Variants in BICD1 observed in about 807,000 individuals in gnomAD.
The protein encoded by BICD1 is BICD cargo adaptor 1.
A neutral mutation model predicts 92.5 loss-of-function variants in BICD1; 35 were observed. That is an observed-to-expected ratio of 0.38 (90% confidence interval 0.29 to 0.50). The LOEUF is 0.50. Among genes scored for constraint, BICD1 ranks in the 20% least tolerant of loss-of-function variants. The pLI is 0.93. For synonymous variants in BICD1, 429 were observed against 465.1 expected (o/e 0.92, Z 1.00); for missense variants, 950 against 1,189.8 (o/e 0.80, Z 2.97).
chr12:32,346,582 ACG>A (rs1330818839), intron 8 of BICD1, among the ~76,000 whole-genome samples: 82 of 7,068 alleles, frequency 0.012, 10 homozygotes, highest in South Asian at 0.063. Context: ...ATATATATAT[ACG>A]TGTATATATA....
In BICD1 at chr12:32,108,283, G is replaced by A. The variant is rs183998360; in HGVS notation, c.213+739G>A. 7.1e-5 allele frequency: 13 copies of A among 183,392 alleles called. No individual in the cohort carries two copies. In the East Asian group the frequency reaches 1.7e-3, roughly 24 times the overall value. 11.4% of individuals were successfully genotyped at this position (183,392 alleles called of 1,614,324 possible). Reference sequence around the variant, plus strand: ...GTTGCATTTCAAATGAGGCTCTTCTGGTTGAAATGATATATTTATAAAACC... The same window carrying A: ...GTTGCATTTCAAATGAGGCTCTTCTAGTTGAAATGATATATTTATAAAACC... On this transcript the variant is annotated intron_variant, in intron 1 of 9. Transcript: ENST00000652176.
rs549960852 is a variant in BICD1 at position 32,268,933 on chromosome 12, G to A, written c.427-25061G>A. Among the ~76,000 whole-genome samples the A allele has an allele frequency of 1.7e-4, 26 of 152,198 alleles. No individual in the cohort carries two copies. In the South Asian group the frequency reaches 1.9e-3, roughly 11 times the overall value. On this transcript the variant is annotated intron_variant, in intron 2 of 9. Transcript: ENST00000652176. ...TCTGTTTTCTGGATGAGCTTCAACC[G>A]TTGCAAGTGGATTTTTCTTCTTTGG... is the stretch of plus-strand genomic sequence containing the variant.
intron 1 of BICD1, among the ~76,000 whole-genome samples, chr12:32,194,105 G>GATC (rs1251874235): frequency 6.6e-6 from 1 of 152,168 alleles, no homozygotes; most frequent in Non-Finnish European, 1.5e-5. Flanking sequence ...AAAATCACAT[G>GATC]ATCATCTCAA....
intron 8 of BICD1, among the ~76,000 whole-genome samples, chr12:32,343,929 G>T (rs1938475180): frequency 6.6e-6 from 1 of 152,094 alleles, no homozygotes; most frequent in Admixed American, 6.5e-5. Context: ...TTCACGTATT[G>T]CAAAGCCTAT....
chr12:32,177,665 A>G (rs1944134842), intron 1 of BICD1, among the ~76,000 whole-genome samples: 1 of 148,772 alleles, frequency 6.7e-6, no homozygotes, highest in African/African-American at 2.4e-5. Flanking sequence ...AAAAGGAAAC[A>G]GGGATAAAGA....
intron 1 of BICD1, among the ~76,000 whole-genome samples, chr12:32,192,922 G>T (rs1592450798): frequency 6.6e-6 from 1 of 152,214 alleles, no homozygotes; most frequent in South Asian, 2.1e-4. Context: ...GTGAATGAAT[G>T]AGTACTTGTT....
At chr12:32,260,568 A>G (rs1364861984) in intron 2 of BICD1, among the ~76,000 whole-genome samples, 1 of 152,142 alleles carries the variant, frequency 6.6e-6, no homozygotes, top group Non-Finnish European at 1.5e-5. Context: ...AGTAAAATAC[A>G]TCAAGGAAAC....
chr12:32,239,878 G>A (rs112607323), intron 2 of BICD1, among the ~76,000 whole-genome samples: 19,154 of 151,994 alleles, frequency 0.13, 2,002 homozygotes, highest in African/African-American at 0.28. Flanking sequence ...AAAGTGCTGG[G>A]ATTACAGGCA....
At chr12:32,244,121 T>G (rs1346156350) in intron 2 of BICD1, among the ~76,000 whole-genome samples, 1 of 151,304 alleles carries the variant, frequency 6.6e-6, no homozygotes, top group Non-Finnish European at 1.5e-5. Flanking sequence ...ATAGATATTT[T>G]CTGAAATGAA....
chr12:32,112,689 C>T (rs1485319878), intron 1 of BICD1, among the ~76,000 whole-genome samples: 1 of 152,046 alleles, frequency 6.6e-6, no homozygotes, highest in Non-Finnish European at 1.5e-5. Flanking sequence ...CACGTAAAGT[C>T]AAGTGGCAGG....
At chr12:32,302,406 GC>G (rs1948080750) in intron 3 of BICD1, among the ~76,000 whole-genome samples, 1 of 152,136 alleles carries the variant, frequency 6.6e-6, no homozygotes, top group African/African-American at 2.4e-5. Context: ...GCACACACCA[GC>G]CTGGGGAGCC....
intron 2 of BICD1, among the ~76,000 whole-genome samples, chr12:32,226,298 C>G (rs1251445380): frequency 6.6e-6 from 1 of 152,036 alleles, no homozygotes; most frequent in Non-Finnish European, 1.5e-5. Context: ...CCATGCCTGG[C>G]TAATTTTTGT....
intron 3 of BICD1, among the ~76,000 whole-genome samples, chr12:32,301,642 G>A (rs972398145): frequency 6.6e-5 from 10 of 151,826 alleles, no homozygotes; most frequent in Non-Finnish European, 1.5e-5. Flanking sequence ...AAGCATGGAG[G>A]TATGCGCCTG....
At chr12:32,147,844 C>T (rs1592375012) in intron 1 of BICD1, among the ~76,000 whole-genome samples, 1 of 152,276 alleles carries the variant, frequency 6.6e-6, no homozygotes, top group East Asian at 1.9e-4. Flanking sequence ...GTATCTATAT[C>T]TCTACTGCAG....
chr12:32,142,440 C>CTATCTAT, intron 1 of BICD1, among the ~76,000 whole-genome samples: 1 of 25,044 alleles, frequency 4.0e-5, no homozygotes, highest in Non-Finnish European at 7.7e-5. Context: ...AACAAAAAAC[C>CTATCTAT]CCACCTATCT....
intron 2 of BICD1, among the ~76,000 whole-genome samples, chr12:32,219,781 T>C (rs1027307267): frequency 6.6e-6 from 1 of 152,248 alleles, no homozygotes; most frequent in Non-Finnish European, 1.5e-5. Flanking sequence ...TTAAACGTTT[T>C]GATTAGCCTT....
chr12:32,149,012 T>A (rs1423908538), intron 1 of BICD1, among the ~76,000 whole-genome samples: 5 of 58,160 alleles, frequency 8.6e-5, no homozygotes, highest in African/African-American at 1.4e-4. Flanking sequence ...GAAGTGAGGC[T>A]CTGTCTCCAA....
At chr12:32,159,873 A>C (rs1174721550) in intron 1 of BICD1, among the ~76,000 whole-genome samples, 1 of 152,182 alleles carries the variant, frequency 6.6e-6, no homozygotes, top group East Asian at 1.9e-4. Context: ...CTCCTTCAAG[A>C]GAAATTACAA....
chr12:32,245,635 T>G (rs1325723342), intron 2 of BICD1, among the ~76,000 whole-genome samples: 1 of 152,180 alleles, frequency 6.6e-6, no homozygotes, highest in East Asian at 1.9e-4. Context: ...ATCTGTTAGA[T>G]GAGCATAATA....
Sources: allele counts gnomAD v4.1 joint callset (sites outside exome capture counted in the v4.1 genomes callset), GRCh38; gene constraint gnomAD v4.1.1; transcripts MANE v1.5; gene names NCBI Gene and HGNC (gene_info 2026-07-23, HGNC 2026-07-21).